Variants in OSTF1 observed in about 807,000 individuals in gnomAD.
The protein encoded by OSTF1 is osteoclast stimulating factor 1, also known as osteoclast-stimulating factor 1.
OSTF1 carries 27 observed loss-of-function variants against 37.2 expected under a neutral mutation model. The observed-to-expected ratio is 0.73, with a 90% CI of 0.54 to 1.00. The LOEUF (loss-of-function observed/expected upper bound fraction) is 1.00. Ranked by LOEUF, OSTF1 falls within the 50% of genes least tolerant of loss-of-function variation. OSTF1 has a pLI of 0.00. For synonymous variants in OSTF1, 82 were observed against 89.2 expected, an observed-to-expected ratio of 0.92 and a Z score of 0.46; for missense variants, 232 against 253.8, an observed-to-expected ratio of 0.91 and a Z score of 0.58.
intron 1 of OSTF1, among the ~76,000 whole-genome samples, chr9:75,103,677 A>G (rs2118434611): frequency 6.6e-6 from 1 of 152,320 alleles, no homozygotes; most frequent in Non-Finnish European, 1.5e-5. Flanking sequence ...CCGGAGTGCC[A>G]GGCTGGAGTG....
chr9:75,110,996 G>C (rs1478604315), intron 1 of OSTF1, among the ~76,000 whole-genome samples: 1 of 152,082 alleles, frequency 6.6e-6, no homozygotes, highest in Non-Finnish European at 1.5e-5. Flanking sequence ...TGGGATTACA[G>C]GTGTGAGCCA....
chr9:75,124,056 T>C (rs1028859707), intron 2 of OSTF1, among the ~76,000 whole-genome samples: 5 of 152,080 alleles, frequency 3.3e-5, no homozygotes, highest in Admixed American at 3.3e-4. Context: ...ACATTAAGAG[T>C]TTTGACTATT....
chr9:75,133,365 A>G lies in OSTF1; in HGVS notation c.322A>G (p.Thr108Ala). Residue 108 changes from threonine to alanine, a missense_variant, in exon 6 of 10, where the codon ACT (threonine) becomes GCT (alanine). Coordinates refer to ENST00000346234, the MANE Select transcript of OSTF1 (RefSeq NM_012383.5). ...GVNGLDKAGS[T>A]ALYWACHGGH... ...TAATGGCTTAGACAAAGCTGGAAGC[A>G]CTGCCTTATACTGGGCTTGCCACGG... The G allele has an allele frequency of 6.2e-7, 1 of 1,611,098 alleles. No homozygotes were observed. The highest frequency in any genetic ancestry group is 8.5e-7 in the Non-Finnish European group (1 of 1,177,428).
intron 9 of OSTF1, among the ~76,000 whole-genome samples, chr9:75,146,094 G>A (rs992790591): frequency 1.3e-5 from 2 of 152,204 alleles, no homozygotes; most frequent in African/African-American, 2.4e-5. Flanking sequence ...CTAGACAGTT[G>A]AAGGGGTGAC....
At chr9:75,126,669 C>T (rs1285712802) in intron 2 of OSTF1, among the ~76,000 whole-genome samples, 2 of 152,234 alleles carry the variant, frequency 1.3e-5, no homozygotes, top group African/African-American at 4.8e-5. Flanking sequence ...TCTCAGCTCA[C>T]CGCAACCTCT....
At chr9:75,103,099 C>T (rs750750903) in intron 1 of OSTF1, among the ~76,000 whole-genome samples, 8 of 151,454 alleles carry the variant, frequency 5.3e-5, no homozygotes, top group Non-Finnish European at 7.4e-5. Context: ...CCAGCCCATG[C>T]AACATAATGA....
intron 1 of OSTF1, among the ~76,000 whole-genome samples, chr9:75,114,624 C>G (rs976116550): frequency 1.3e-5 from 2 of 151,236 alleles, no homozygotes; most frequent in Non-Finnish European, 1.5e-5. Context: ...GCAATCTCAG[C>G]TCACTGCAAC....
At chr9:75,120,833 A>G (rs1002434363) in intron 2 of OSTF1, among the ~76,000 whole-genome samples, 3 of 152,124 alleles carry the variant, frequency 2.0e-5, no homozygotes, top group Non-Finnish European at 2.9e-5. Context: ...TCCCATCTAG[A>G]TGTGACTCAC....
rs760917788 is a variant in OSTF1, at chr9:75,091,371, A to G, written c.34+2645A>G. On this transcript the variant is annotated intron_variant, in intron 1 of 9. Transcript: ENST00000346234. ...ATCACTGTGCCTGGCCAAAGTCTGC[A>G]CTCTTAACCATTTGCTATTCTGCCT... Among the ~76,000 whole-genome samples the G allele has an allele frequency of 6.0e-4, 91 of 151,768 alleles. 1 individual carries two copies. The highest frequency in any genetic ancestry group is 9.7e-5 in the African/African-American group (4 of 41,296).
chr9:75,108,140 T>G (rs1478934752), intron 1 of OSTF1, among the ~76,000 whole-genome samples: 2 of 151,948 alleles, frequency 1.3e-5, no homozygotes, highest in African/African-American at 4.8e-5. Context: ...CAGGAGGATC[T>G]CTTGAGCCTG....
intron 8 of OSTF1, among the ~76,000 whole-genome samples, chr9:75,140,217 T>G (rs1340610495): frequency 6.6e-6 from 1 of 152,208 alleles, no homozygotes; most frequent in African/African-American, 2.4e-5. Context: ...TTGTTAAGAA[T>G]GGTTACCTTA....
At chr9:75,142,730 T>A (rs368891931) in intron 9 of OSTF1, among the ~76,000 whole-genome samples, 11 of 152,182 alleles carry the variant, frequency 7.2e-5, no homozygotes, top group African/African-American at 2.7e-4. Flanking sequence ...AATGAGGTAA[T>A]CTTAGGGCCT....
chr9:75,090,105 C>A (rs557782309), intron 1 of OSTF1, among the ~76,000 whole-genome samples: 5 of 152,292 alleles, frequency 3.3e-5, no homozygotes, highest in African/African-American at 1.2e-4. Context: ...TTTCTAAACT[C>A]AGGTGCAAAT....
intron 9 of OSTF1, among the ~76,000 whole-genome samples, chr9:75,145,926 C>T (rs1826016965): frequency 6.6e-6 from 1 of 152,126 alleles, no homozygotes; most frequent in Non-Finnish European, 1.5e-5. Flanking sequence ...TGGAACCGGT[C>T]ATATGTATAA....
intron 1 of OSTF1, among the ~76,000 whole-genome samples, chr9:75,103,038 G>A (rs1825221176): frequency 6.6e-6 from 1 of 152,208 alleles, no homozygotes; most frequent in South Asian, 2.1e-4. Flanking sequence ...TATAATCCCA[G>A]CACTTTGGGA....
At chr9:75,106,839 A>G (rs1278216470) in intron 1 of OSTF1, among the ~76,000 whole-genome samples, 1 of 151,704 alleles carries the variant, frequency 6.6e-6, no homozygotes, top group Non-Finnish European at 1.5e-5. Flanking sequence ...CTGTAATCCC[A>G]GCTACTTGGG....
At chr9:75,122,749 G>C (rs1029195016) in intron 2 of OSTF1, among the ~76,000 whole-genome samples, 1 of 152,170 alleles carries the variant, frequency 6.6e-6, no homozygotes, top group African/African-American at 2.4e-5. Flanking sequence ...CCACTTCATA[G>C]TGTTCTTGGT....
At chr9:75,141,959 G>T (rs1328599843) in intron 9 of OSTF1, among the ~76,000 whole-genome samples, 4 of 152,120 alleles carry the variant, frequency 2.6e-5, no homozygotes, top group African/African-American at 7.2e-5. Context: ...TGTTGTCCAG[G>T]TTGGTCTCGA....
At chr9:75,095,428 G>A (rs949534561) in intron 1 of OSTF1, among the ~76,000 whole-genome samples, 4 of 152,198 alleles carry the variant, frequency 2.6e-5, no homozygotes, top group Non-Finnish European at 5.9e-5. Context: ...GGAAGCATGG[G>A]GCAAGGAGCT....
Sources: gnomAD v4.1 joint callset for allele counts (sites outside exome capture counted in the v4.1 genomes callset) on GRCh38, gnomAD v4.1.1 for gene constraint, MANE v1.5 for transcripts, NCBI Gene and HGNC (gene_info 2026-07-23, HGNC 2026-07-21) for gene names.